KIFBP: variants seen among roughly 807,000 people sequenced by gnomAD.
The protein encoded by KIFBP is kinesin family binding protein.
In KIFBP, 46 loss-of-function variants were observed where a neutral mutation model predicts 58.9. The observed-to-expected ratio is 0.78, with a 90% CI of 0.62 to 1.00. The LOEUF (loss-of-function observed/expected upper bound fraction) is 1.00, where lower values mean the gene tolerates loss of function less well. Among genes scored for constraint, KIFBP ranks in the 50% least tolerant of loss-of-function variants. The pLI is 0.00. For synonymous variants in KIFBP, 241 were observed against 283.4 expected (o/e 0.85, Z 1.50); for missense variants, 651 against 752.9 (o/e 0.86, Z 1.58).
chr10:69,000,415 A>G lies in KIFBP; in HGVS notation c.427-9A>G, dbSNP rs780148670. On this transcript the variant is annotated splice_polypyrimidine_tract_variant and intron_variant, in intron 1 of 6. Coordinates refer to ENST00000361983, the MANE Select transcript of KIFBP (RefSeq NM_015634.4). ...TCATTGTTTGTTTCTCTTTTTCTTT[A>G]TTTTCCAGAATAACCTGGGTATCTT... 1 of 1,568,198 alleles carries G rather than the reference A, an allele frequency of 6.4e-7. No homozygotes were observed. Among genetic ancestry groups the G allele is most frequent in the Non-Finnish European group, 8.8e-7 (1 of 1,138,650 alleles).
At position 68,989,153 on chromosome 10, in the gene KIFBP, C is replaced by T. The variant is rs1183795281; in HGVS notation, c.321C>T (p.Asp107=). Reference sequence around the variant, plus strand: ...TCCACCTCGGGGTGAACCACATCGACACGGAGGAGCTGTCGGCGGGGGAGG... The same window carrying T: ...TCCACCTCGGGGTGAACCACATCGATACGGAGGAGCTGTCGGCGGGGGAGG... ...IEFHLGVNHI[D]TEELSAGEEH... Residue 107 remains aspartate, a synonymous_variant, in exon 1 of 7, where the codon GAC becomes GAT. Transcript: ENST00000361983. The T allele has an allele frequency of 3.1e-6, 5 of 1,613,290 alleles. No individual in the cohort carries two copies. The highest frequency in any genetic ancestry group is 1.3e-5 in the African/African-American group (1 of 75,068).
At chr10:69,003,821 C>A (rs1458210949) in intron 2 of KIFBP, among the ~76,000 whole-genome samples, 1 of 152,078 alleles carries the variant, frequency 6.6e-6, no homozygotes, top group Non-Finnish European at 1.5e-5. Context: ...TATTAGTGGT[C>A]AGTTTAGAAT....
Position 69,010,917 on chromosome 10 carries a change from G to A in KIFBP, c.892G>A (p.Glu298Lys). 1.2e-6 allele frequency: 2 copies of A among 1,613,522 alleles called. No homozygotes were observed. Among genetic ancestry groups the A allele is most frequent in the Non-Finnish European group, 1.7e-6 (2 of 1,179,444 alleles). ...TATTTTAGCTCCTGAAGCTGAAGGA[G>A]AAGTGCCAGAGCTTTATCATCAAAG... ...ATEDTPEAEG[E>K]VPELYHQRKG... Residue 298 changes from glutamate to lysine, a missense_variant, in exon 6 of 7, where the codon GAA becomes AAA. Transcript: ENST00000361983.
At chr10:69,008,617 G>A (rs1196872093) in intron 4 of KIFBP, among the ~76,000 whole-genome samples, 1 of 151,526 alleles carries the variant, frequency 6.6e-6, no homozygotes, top group Non-Finnish European at 1.5e-5. Context: ...ATTATTAAGA[G>A]TTTGGGGGCA....
intron 2 of KIFBP, among the ~76,000 whole-genome samples, chr10:69,001,417 A>G (rs1843464080): frequency 6.6e-6 from 1 of 152,070 alleles, no homozygotes; most frequent in South Asian, 2.1e-4. Flanking sequence ...CAGGCACAAT[A>G]TTTTCTTGTG....
At chr10:68,990,963 A>G (rs890008340) in intron 1 of KIFBP, among the ~76,000 whole-genome samples, 1 of 152,156 alleles carries the variant, frequency 6.6e-6, no homozygotes, top group African/African-American at 2.4e-5. Flanking sequence ...GAAGACTATA[A>G]GCCATATTTA....
intron 1 of KIFBP, among the ~76,000 whole-genome samples, chr10:68,993,407 G>T (rs1422858856): frequency 1.3e-5 from 2 of 151,918 alleles, no homozygotes; most frequent in Non-Finnish European, 2.9e-5. Flanking sequence ...CTGTCTCTTT[G>T]CCCCTCACTA....
chr10:68,995,640 C>T (rs1843395778), intron 1 of KIFBP, among the ~76,000 whole-genome samples: 1 of 152,126 alleles, frequency 6.6e-6, no homozygotes, highest in Non-Finnish European at 1.5e-5. Flanking sequence ...GGGAAGTGTA[C>T]TGTCCTTTTC....
intron 1 of KIFBP, among the ~76,000 whole-genome samples, chr10:68,996,884 C>T (rs1843413036): frequency 1.3e-5 from 2 of 151,840 alleles, no homozygotes; most frequent in South Asian, 4.1e-4. Flanking sequence ...AATATTTTGG[C>T]CAGGCGCAGT....
chr10:69,007,032 A>G (rs12779481), intron 4 of KIFBP: 1 of 152,196 alleles, frequency 6.6e-6, no homozygotes, highest in South Asian at 2.1e-4. Context: ...TCCGCTTGTG[A>G]CATCTTTTTT....
intron 1 of KIFBP, 126 bp downstream of exon 1, chr10:68,989,384 C>G: frequency 9.4e-7 from 1 of 1,065,838 alleles, no homozygotes; most frequent in Non-Finnish European, 1.4e-6. Context: ...TAGCTCTGGA[C>G]TGAGTCCCAA....
At chr10:69,009,036 A>G in intron 5 of KIFBP, 111 bp downstream of exon 5, 1 of 777,502 alleles carries the variant, frequency 1.3e-6, no homozygotes, top group Non-Finnish European at 2.2e-6. Flanking sequence ...ATGCCCTTCT[A>G]AATGCACCAA....
Position 69,008,391 on chromosome 10 carries a change from A to AAAAAAAAAAATATATATAT in KIFBP, c.790-449_790-448insAAAAAAAAATATATATATA. ...CCCCTGTCTCGTAAAAAAAAAAAAA[A>AAAAAAAAAAATATATATAT]ATATATATATATATATATATATATA... On this transcript the variant is annotated intron_variant, in intron 4 of 6. Transcript: ENST00000361983. 2.7e-4 allele frequency among the ~76,000 whole-genome samples: 19 copies of AAAAAAAAAAATATATATAT among 71,586 alleles called. No individual in the cohort carries two copies. In the South Asian group the frequency reaches 2.9e-3, roughly 11 times the overall value. The allele number at this position is 71,586 out of a possible 152,430, so 47.0% of individuals were successfully genotyped here.
At chr10:68,998,297 T>G (rs1843427958) in intron 1 of KIFBP, among the ~76,000 whole-genome samples, 1 of 152,216 alleles carries the variant, frequency 6.6e-6, no homozygotes, top group African/African-American at 2.4e-5. Context: ...TATATATGCT[T>G]CTTTATTAAC....
Position 68,997,987 on chromosome 10 carries a change from G to A in KIFBP, c.427-2437G>A, listed in dbSNP as rs191826487. Among the ~76,000 whole-genome samples, 343 of 151,916 alleles carry A rather than the reference G, an allele frequency of 2.3e-3. 2 individuals are homozygous for A. Among genetic ancestry groups the A allele is most frequent in the African/African-American group, 7.7e-3 (318 of 41,426 alleles). On this transcript the variant is annotated intron_variant, in intron 1 of 6. Transcript: ENST00000361983. ...ATGAAACCATGATTGTAAGTTTCCCGAGGCCTCCCCAGCCATACCTCCTGT... is the reference window on the plus strand; with the variant it reads ...ATGAAACCATGATTGTAAGTTTCCCAAGGCCTCCCCAGCCATACCTCCTGT...
intron 3 of KIFBP, among the ~76,000 whole-genome samples, 184 bp from the exon 4 acceptor site, chr10:69,005,548 C>T (rs569837543): frequency 1.3e-4 from 19 of 151,874 alleles, no homozygotes; most frequent in African/African-American, 4.1e-4. Context: ...TGGTGGCAGG[C>T]GCCTGTAATC....
At chr10:69,009,119 A>G (rs953903700) in intron 5 of KIFBP, among the ~76,000 whole-genome samples, 194 bp downstream of exon 5, 2 of 152,210 alleles carry the variant, frequency 1.3e-5, no homozygotes, top group African/African-American at 4.8e-5. Context: ...GGTTACATAC[A>G]TTAGGCTCTT....
intron 6 of KIFBP, chr10:69,011,284 A>T (rs1462475678): frequency 6.0e-6 from 2 of 330,846 alleles, no homozygotes; most frequent in South Asian, 3.2e-5. Context: ...ATAAATAAAT[A>T]AAATAAATCT....
intron 6 of KIFBP, among the ~76,000 whole-genome samples, chr10:69,012,023 G>A (rs1467709524): frequency 6.6e-6 from 1 of 152,020 alleles, no homozygotes; most frequent in East Asian, 1.9e-4. Flanking sequence ...ACTTCCCAGT[G>A]TTATCTTACA....
Sources: gnomAD v4.1 joint callset for allele counts (sites outside exome capture counted in the v4.1 genomes callset) on GRCh38, gnomAD v4.1.1 for gene constraint, MANE v1.5 for transcripts, NCBI Gene and HGNC (gene_info 2026-07-23, HGNC 2026-07-21) for gene names.